Variants in ANAPC1 observed in about 807,000 individuals in gnomAD.
The protein encoded by ANAPC1 is anaphase-promoting complex subunit 1.
ANAPC1 carries 36 observed loss-of-function variants against 208.0 expected under a neutral mutation model. That is an observed-to-expected ratio of 0.17 (90% confidence interval 0.13 to 0.23). The LOEUF is 0.23. Among genes scored for constraint, ANAPC1 ranks in the 10% least tolerant of loss-of-function variants. The probability of loss-of-function intolerance (pLI) is 1.00; values close to 1 mark genes in which losing one functional copy is unlikely to be tolerated. For missense variants in ANAPC1, 942 were observed against 2,011.6 expected, an observed-to-expected ratio of 0.47 and a Z score of 10.17; for synonymous variants, 378 against 695.2, an observed-to-expected ratio of 0.54 and a Z score of 7.18.
intron 34 of ANAPC1, among the ~76,000 whole-genome samples, chr2:111,798,805 C>T (rs796406976): frequency 2.0e-5 from 3 of 148,422 alleles, no homozygotes; most frequent in East Asian, 1.9e-4. Flanking sequence ...GAGGCCGAGG[C>T]GGGCAGATCA....
chr2:111,883,840 T>C (rs1683463987), intron 1 of ANAPC1, 102 bp downstream of exon 1: 1 of 152,230 alleles, frequency 6.6e-6, no homozygotes, highest in South Asian at 2.1e-4. Context: ...GTACCCCGGG[T>C]TTCCAGACCT....
intron 20 of ANAPC1, among the ~76,000 whole-genome samples, chr2:111,831,847 G>GA (rs1680157829): frequency 1.0e-4 from 3 of 29,990 alleles, no homozygotes; most frequent in East Asian, 7.0e-4. Context: ...AAAAAAAAAA[G>GA]AATAACGTTT....
At chr2:111,870,068 G>A (rs1471965772) in intron 6 of ANAPC1, among the ~76,000 whole-genome samples, 1 of 152,166 alleles carries the variant, frequency 6.6e-6, no homozygotes, top group Non-Finnish European at 1.5e-5. Flanking sequence ...CGTTATGGCT[G>A]ATTAGTATTC....
At chr2:111,878,321 G>T (rs1683121154) in intron 3 of ANAPC1, among the ~76,000 whole-genome samples, 1 of 152,174 alleles carries the variant, frequency 6.6e-6, no homozygotes, top group Non-Finnish European at 1.5e-5. Context: ...ATGTCTTCCT[G>T]AAAAAATATG....
intron 29 of ANAPC1, among the ~76,000 whole-genome samples, chr2:111,807,223 TAAAG>T (rs1365857181): frequency 9.3e-6 from 1 of 107,772 alleles, no homozygotes; most frequent in Non-Finnish European, 1.9e-5. Context: ...TAATAAAAAT[TAAAG>T]AAAAAAATCA....
intron 1 of ANAPC1, among the ~76,000 whole-genome samples, chr2:111,883,506 G>T (rs1296169703): frequency 6.7e-6 from 1 of 149,708 alleles, no homozygotes; most frequent in East Asian, 2.0e-4. Context: ...AACAGTATCA[G>T]CAATGATTCC....
At position 111,870,577 on chromosome 2, in the gene ANAPC1, T is replaced by A. The variant is rs540534922; in HGVS notation, c.611+2053A>T. 1.2e-4 allele frequency among the ~76,000 whole-genome samples: 19 copies of A among 152,320 alleles called. No individual in the cohort carries two copies. The South Asian group carries it at 3.9e-3, about 32-fold the overall frequency. On this transcript the variant is annotated intron_variant, in intron 6 of 47. Transcript: ENST00000341068. ...TGAGCTTCTGTCTTGCTGATCTGAG[T>A]TCCTTATATATTCTGGATACTAGTG...
At chr2:111,870,608 T>C (rs1050590353) in intron 6 of ANAPC1, among the ~76,000 whole-genome samples, 2 of 152,252 alleles carry the variant, frequency 1.3e-5, no homozygotes, top group African/African-American at 4.8e-5. Flanking sequence ...TAGTGCTTTG[T>C]TGGATGCATA....
At chr2:111,863,268 G>C (rs1441630702) in intron 9 of ANAPC1, among the ~76,000 whole-genome samples, 3 of 151,944 alleles carry the variant, frequency 2.0e-5, no homozygotes, top group African/African-American at 4.8e-5. Context: ...CCGCACTTTG[G>C]GAGGCCAAGG....
chr2:111,842,428 G>A (rs1202707994), intron 17 of ANAPC1, among the ~76,000 whole-genome samples: 1 of 152,112 alleles, frequency 6.6e-6, no homozygotes, highest in Admixed American at 6.5e-5. Context: ...CAGATCATGA[G>A]GTCAGGAGAT....
intron 10 of ANAPC1, among the ~76,000 whole-genome samples, chr2:111,859,730 C>T (rs983826073): frequency 3.3e-5 from 5 of 152,094 alleles, no homozygotes; most frequent in African/African-American, 4.8e-5. Flanking sequence ...TCAGATAAAA[C>T]GAGGCTCTAA....
At chr2:111,827,958 G>A (rs1199195844) in intron 21 of ANAPC1, among the ~76,000 whole-genome samples, 1 of 151,986 alleles carries the variant, frequency 6.6e-6, no homozygotes, top group Non-Finnish European at 1.5e-5. Flanking sequence ...AGGCCAGAGA[G>A]GTAAACTGAG....
chr2:111,850,931 TG>T (rs1681360153), intron 13 of ANAPC1, 21 bp from the exon 14 acceptor site: 1 of 1,581,482 alleles, frequency 6.3e-7, no homozygotes. Context: ...TAAAAACATG[TG>T]GAAAAAAAAA....
chr2:111,819,900 A>G (rs940165117), intron 26 of ANAPC1, among the ~76,000 whole-genome samples: 33 of 152,240 alleles, frequency 2.2e-4, no homozygotes, highest in Middle Eastern at 3.2e-3. Flanking sequence ...CACAACCGCA[A>G]CATTAATTTG....
rs1298639443 is a variant in ANAPC1, at chr2:111,866,629, C to G, written c.685+1394G>C. Among the ~76,000 whole-genome samples the G allele has an allele frequency of 2.5e-4, 38 of 149,824 alleles. No homozygotes were observed. The Middle Eastern group carries it at 0.017, about 68-fold the overall frequency. On this transcript the variant is annotated intron_variant, in intron 7 of 47. Transcript: ENST00000341068. ...ATCCCAGCTACTAGGGAGGCTGAGA[C>G]AGGAGAATCGCTTGAACCTGGGAGG...
chr2:111,881,947 G>A (rs1433311894), intron 1 of ANAPC1, among the ~76,000 whole-genome samples: 2 of 152,180 alleles, frequency 1.3e-5, no homozygotes, highest in South Asian at 2.1e-4. Flanking sequence ...CACTGTGGGA[G>A]GCCAAAGCAG....
intron 16 of ANAPC1, among the ~76,000 whole-genome samples, chr2:111,846,440 A>C (rs1015447394): frequency 2.0e-5 from 3 of 149,564 alleles, no homozygotes; most frequent in African/African-American, 7.3e-5. Context: ...TTACAGAAAA[A>C]AAAACATTAA....
intron 33 of ANAPC1, among the ~76,000 whole-genome samples, chr2:111,801,085 A>T (rs976697276): frequency 6.6e-6 from 1 of 152,180 alleles, no homozygotes; most frequent in Non-Finnish European, 1.5e-5. Flanking sequence ...GGCCAGGCTC[A>T]GTGGCTCATG....
At chr2:111,767,338 G>A (rs531997635), downstream of ANAPC1, among the ~76,000 whole-genome samples, 19 of 151,216 alleles carry the variant, frequency 1.3e-4, no homozygotes, top group Admixed American at 2.6e-4. Context: ...ACTTCCCTTT[G>A]AGCCACGGCT....
Sources: allele counts gnomAD v4.1 joint callset (sites outside exome capture counted in the v4.1 genomes callset), GRCh38; gene constraint gnomAD v4.1.1; transcripts MANE v1.5; gene names NCBI Gene and HGNC (gene_info 2026-07-23, HGNC 2026-07-21).